Variants in PEX2 observed in about 807,000 individuals in gnomAD.
PEX2 encodes peroxisome biogenesis factor 2.
Under a neutral mutation model 25.2 loss-of-function variants are expected in PEX2, and 19 were observed. That is an observed-to-expected ratio of 0.75 (90% CI 0.53 to 1.10). The LOEUF is 1.10. Among genes scored for constraint, PEX2 ranks in the 50% least tolerant of loss-of-function variants. The probability of loss-of-function intolerance (pLI) is 0.00; values close to 1 mark genes in which losing one functional copy is unlikely to be tolerated. For missense variants in PEX2, 347 were observed against 350.6 expected (o/e 0.99, Z 0.08); for synonymous variants, 141 against 127.7 (o/e 1.10, Z -0.70).
intron 1 of PEX2, among the ~76,000 whole-genome samples, chr8:76,992,967 T>C (rs1282289443): frequency 2.6e-5 from 4 of 152,148 alleles, no homozygotes; most frequent in Non-Finnish European, 5.9e-5. Flanking sequence ...ACAGGCTGTG[T>C]GAAAGCCCAG....
intron 1 of PEX2, among the ~76,000 whole-genome samples, chr8:76,998,814 G>A (rs1318524489): frequency 6.6e-6 from 1 of 152,076 alleles, no homozygotes; most frequent in African/African-American, 2.4e-5. Flanking sequence ...ACTAACACTA[G>A]TTTCTAAAAA....
chr8:76,990,597 A>G (rs952423193), intron 1 of PEX2, among the ~76,000 whole-genome samples: 2 of 152,116 alleles, frequency 1.3e-5, no homozygotes, highest in Non-Finnish European at 2.9e-5. Context: ...CCTAATTTCA[A>G]CATTGTTGTG....
At chr8:77,000,445 G>T (rs537425191), upstream of PEX2, among the ~76,000 whole-genome samples, 2 of 152,004 alleles carry the variant, frequency 1.3e-5, no homozygotes, top group East Asian at 4.0e-4. Context: ...ATCGCGAAGG[G>T]CCTCTGGCAG....
In PEX2 at chr8:76,983,894, A is replaced by G. The variant is rs202204148; in HGVS notation, c.285T>C (p.Tyr95=). The change falls in exon 4 of 4, where the codon TAT becomes TAC. Residue 95 remains tyrosine, a synonymous_variant. Coordinates refer to ENST00000357039, the MANE Select transcript of PEX2 (RefSeq NM_000318.3). ...YKNDFSPNLR[Y]QPPSKNQKIW... is the part of the protein sequence containing the mutation. ...TTTTTTGATTTTTACTGGGTGGCTG[A>G]TATCTCAGGTTAGGGGAAAAATCAT... The G allele has an allele frequency of 3.7e-6, 6 of 1,614,174 alleles. No homozygotes were observed. Among genetic ancestry groups the G allele is most frequent in the Non-Finnish European group, 5.1e-6 (6 of 1,180,022 alleles).
chr8:76,996,386 G>C (rs1807333291), intron 1 of PEX2, among the ~76,000 whole-genome samples: 1 of 152,144 alleles, frequency 6.6e-6, no homozygotes, highest in African/African-American at 2.4e-5. Context: ...CTCTAAACCA[G>C]CGTCCTATAC....
Position 76,993,732 on chromosome 8 carries a change from A to AT in PEX2, c.-159-5395dup, listed in dbSNP as rs1433082719. 6.6e-5 allele frequency among the ~76,000 whole-genome samples: 10 copies of AT among 152,146 alleles called. 1 individual carries two copies. Among genetic ancestry groups the AT allele is most frequent in the Non-Finnish European group, 1.5e-5 (1 of 68,024 alleles). On this transcript the variant is annotated intron_variant, in intron 1 of 3. Coordinates refer to ENST00000357039, the MANE Select transcript of PEX2 (RefSeq NM_000318.3). Reference sequence around the variant, plus strand: ...CCACCATTAAATTTAATTCTAATAGATTTTTCCTATTCTACCTTTTCATAC... The same window carrying AT: ...CCACCATTAAATTTAATTCTAATAGATTTTTTCCTATTCTACCTTTTCATAC...
At position 76,983,201 on chromosome 8, in the gene PEX2, A is replaced by G; in HGVS notation, c.*60T>C. On this transcript the variant is annotated 3_prime_UTR_variant, in exon 4 of 4. Transcript: ENST00000357039. ...ATACATAAATGGTATACTTAGGATG[A>G]CTAATATTAAGAATTTAAACACGGT... 1.9e-6 allele frequency: 3 copies of G among 1,600,994 alleles called. No individual in the cohort carries two copies. The highest frequency in any genetic ancestry group is 2.2e-5 in the South Asian group (2 of 90,976).
Position 76,983,110 on chromosome 8 carries a change from G to T in PEX2, c.*151C>A. 6.7e-7 allele frequency: 1 copy of T among 1,503,478 alleles called. No homozygotes were observed. Among genetic ancestry groups the T allele is most frequent in the Non-Finnish European group, 8.9e-7 (1 of 1,129,682 alleles). The allele number at this position is 1,503,478 out of a possible 1,614,324, so 93.1% of individuals were successfully genotyped here. A position where few individuals can be genotyped will look rare whatever the true frequency, so the allele number is the denominator to read the frequency against. ...TATATTTAGAATCACATGGTTTCCA[G>T]TGATTAGATTTCAGTCATGCCTGGA... On this transcript the variant is annotated 3_prime_UTR_variant, in exon 4 of 4. Coordinates refer to ENST00000357039, the MANE Select transcript of PEX2 (RefSeq NM_000318.3).
chr8:76,985,065 A>C (rs926687950), intron 3 of PEX2, among the ~76,000 whole-genome samples: 9 of 152,004 alleles, frequency 5.9e-5, no homozygotes, highest in Admixed American at 5.9e-4. Context: ...TATTATAAAT[A>C]TGTATTATGT....
rs1806786916 is a variant in PEX2, at chr8:76,980,537, G to A, written c.*2724C>T. ...TGGGAGGAGCATCACCTACATTTAAGTAACCAGGAACAGTATTTTCCATCC... is the reference window on the plus strand; with the variant it reads ...TGGGAGGAGCATCACCTACATTTAAATAACCAGGAACAGTATTTTCCATCC... On this transcript the variant is annotated 3_prime_UTR_variant, in exon 4 of 4. Transcript: ENST00000357039. 2 of 152,340 alleles carry A rather than the reference G, an allele frequency of 1.3e-5. No individual in the cohort carries two copies. Among genetic ancestry groups the A allele is most frequent in the African/African-American group, 2.4e-5 (1 of 41,574 alleles). 9.4% of individuals were successfully genotyped at this position (152,340 alleles called of 1,614,324 possible).
chr8:76,986,891 C>T (rs1469644794), intron 2 of PEX2, among the ~76,000 whole-genome samples: 3 of 152,176 alleles, frequency 2.0e-5, no homozygotes, highest in Non-Finnish European at 4.4e-5. Context: ...AGCCTTATCA[C>T]AGTTGAATCA....
intron 1 of PEX2, among the ~76,000 whole-genome samples, chr8:76,994,909 T>A (rs1240863837): frequency 6.6e-6 from 1 of 152,220 alleles, no homozygotes; most frequent in African/African-American, 2.4e-5. Flanking sequence ...TATAACCTAC[T>A]ATTTTATTTC....
In PEX2 at chr8:76,982,067, T is replaced by C. The variant is rs4311633; in HGVS notation, c.*1194A>G. On this transcript the variant is annotated 3_prime_UTR_variant, in exon 4 of 4. Coordinates refer to ENST00000357039, the MANE Select transcript of PEX2 (RefSeq NM_000318.3). ...AAAATGAACTGGCAGTGTATTTCCA[T>C]CATACTAGCAAGATGTTTATTTAAA... 149,497 of 152,314 alleles carry C rather than the reference T, an allele frequency of 0.98. 73,385 individuals are homozygous for C. The highest frequency in any genetic ancestry group is 0.99 in the Middle Eastern group (292 of 294). The allele number at this position is 152,314 out of a possible 1,614,324, so 9.4% of individuals were successfully genotyped here. A position where few individuals can be genotyped will look rare whatever the true frequency, so the allele number is the denominator to read the frequency against.
chr8:76,989,522 A>G (rs1014957219), intron 1 of PEX2, among the ~76,000 whole-genome samples: 1 of 152,196 alleles, frequency 6.6e-6, no homozygotes, highest in Non-Finnish European at 1.5e-5. Flanking sequence ...AGGCTTAAGA[A>G]ATGTAGTTCT....
chr8:76,991,895 T>C (rs2132054799), intron 1 of PEX2, among the ~76,000 whole-genome samples: 1 of 152,332 alleles, frequency 6.6e-6, no homozygotes, highest in Admixed American at 6.5e-5. Flanking sequence ...TTATTGTTGC[T>C]TTGGCTAGGG....
In PEX2 at chr8:76,988,292, A is replaced by C. The variant is rs985027912; in HGVS notation, c.-128+15T>G. On this transcript the variant is annotated intron_variant, in intron 2 of 3. Transcript: ENST00000357039. Reference sequence around the variant, plus strand: ...CTTGTGACTTCATCAGAATCACATAAGAAAACAGGCATACCTCAGAGACAC... The same window carrying C: ...CTTGTGACTTCATCAGAATCACATACGAAAACAGGCATACCTCAGAGACAC... 1.3e-5 allele frequency: 2 copies of C among 152,286 alleles called. No individual in the cohort carries two copies. The highest frequency in any genetic ancestry group is 4.8e-5 in the African/African-American group (2 of 41,458). The allele number at this position is 152,286 out of a possible 1,614,324, so 9.4% of individuals were successfully genotyped here.
chr8:76,985,724 C>A (rs189822890), intron 3 of PEX2, among the ~76,000 whole-genome samples: 13 of 152,226 alleles, frequency 8.5e-5, no homozygotes, highest in Admixed American at 2.6e-4. Flanking sequence ...AGAATAGTTA[C>A]TGAGGGAGGC....
In PEX2 at chr8:76,983,689, CA is replaced by C. The variant is rs750151535; in HGVS notation, c.489del (p.Phe163LeufsTer4). On this transcript the variant is annotated frameshift_variant, in exon 4 of 4. Transcript: ENST00000357039. LOFTEE classifies it high-confidence loss of function. Reference sequence around the variant, plus strand: ...CCTAGGAGACGTTCTGTCAAAGTTGCAAACTTTCCCCTCTGAAGGAAAATCA... The same window carrying C: ...CCTAGGAGACGTTCTGTCAAAGTTGCAACTTTCCCCTCTGAAGGAAAATCA... ...NFLIFLQRGK[F>X]ATLTERLLGI... 1 of 1,613,942 alleles carries C rather than the reference CA, an allele frequency of 6.2e-7. No individual in the cohort carries two copies. Among genetic ancestry groups the C allele is most frequent in the African/African-American group, 1.3e-5 (1 of 74,910 alleles).
chr8:76,992,098 C>T (rs973214887), intron 1 of PEX2, among the ~76,000 whole-genome samples: 7 of 152,018 alleles, frequency 4.6e-5, no homozygotes, highest in East Asian at 1.9e-4. Flanking sequence ...TATGTGTGCA[C>T]GTGGGAGGGG....
Sources: gnomAD v4.1 joint callset for allele counts (sites outside exome capture counted in the v4.1 genomes callset) on GRCh38, gnomAD v4.1.1 for gene constraint, MANE v1.5 for transcripts, NCBI Gene and HGNC (gene_info 2026-07-23, HGNC 2026-07-21) for gene names.